Variants in CCDC91 observed in about 807,000 individuals in gnomAD.
The protein encoded by CCDC91 is coiled-coil domain-containing protein 91.
In CCDC91, 48 loss-of-function variants were observed where a neutral mutation model predicts 63.2. The ratio of observed to expected loss-of-function variants is 0.76; its 90% CI spans 0.60 to 0.97. The LOEUF is 0.97. Among genes scored for constraint, CCDC91 ranks in the 50% least tolerant of loss-of-function variants. The probability of loss-of-function intolerance (pLI) is 0.00; values close to 1 mark genes in which losing one functional copy is unlikely to be tolerated. For synonymous variants in CCDC91, 167 were observed against 165.8 expected (o/e 1.01, Z -0.06); for missense variants, 500 against 494.6 (o/e 1.01, Z -0.10).
intron 3 of CCDC91, among the ~76,000 whole-genome samples, chr12:28,271,018 AT>A (rs140145188): frequency 0.01 from 1,591 of 152,246 alleles, 36 homozygotes; most frequent in African/African-American, 0.037. Context: ...TATGACTAGG[AT>A]ACACTTTTAA....
At chr12:28,290,007 G>A (rs1195868854) in intron 3 of CCDC91, among the ~76,000 whole-genome samples, 1 of 152,070 alleles carries the variant, frequency 6.6e-6, no homozygotes, top group African/African-American at 2.4e-5. Flanking sequence ...GGAGAGTTCT[G>A]TAGTTGTCTT....
At chr12:28,363,592 A>G (rs1166931105) in intron 7 of CCDC91, among the ~76,000 whole-genome samples, 1 of 152,208 alleles carries the variant, frequency 6.6e-6, no homozygotes, top group Non-Finnish European at 1.5e-5. Context: ...AAGCTTCCGT[A>G]AATCATTTGG....
At chr12:28,323,802 T>C (rs2137489767) in intron 6 of CCDC91, among the ~76,000 whole-genome samples, 1 of 151,870 alleles carries the variant, frequency 6.6e-6, no homozygotes, top group East Asian at 1.9e-4. Context: ...ATAGACGGAG[T>C]GGCATATGCA....
chr12:28,533,443 A>G (rs1262973759), intron 12 of CCDC91, among the ~76,000 whole-genome samples: 1 of 152,030 alleles, frequency 6.6e-6, no homozygotes, highest in Non-Finnish European at 1.5e-5. Context: ...CTATCTTTGA[A>G]TCTTTGCTTC....
intron 3 of CCDC91, among the ~76,000 whole-genome samples, chr12:28,260,518 C>T (rs1000314863): frequency 4.0e-5 from 6 of 151,872 alleles, no homozygotes; most frequent in African/African-American, 1.5e-4. Context: ...CTGTTCATTC[C>T]TACCCCCTTA....
intron 1 of CCDC91, among the ~76,000 whole-genome samples, chr12:28,190,994 AG>A (rs1941179940): frequency 6.6e-6 from 1 of 152,260 alleles, no homozygotes; most frequent in Admixed American, 6.5e-5. Flanking sequence ...ATTCTTGCTT[AG>A]ATTACACAGA....
intron 1 of CCDC91, among the ~76,000 whole-genome samples, chr12:28,194,377 C>G (rs1265425357): frequency 2.6e-5 from 4 of 152,154 alleles, no homozygotes; most frequent in Non-Finnish European, 2.9e-5. Context: ...TTGCTGACCT[C>G]AAGAATGAAG....
chr12:28,430,662 T>C (rs1238126385), intron 8 of CCDC91, among the ~76,000 whole-genome samples: 1 of 152,130 alleles, frequency 6.6e-6, no homozygotes, highest in African/African-American at 2.4e-5. Flanking sequence ...TCCATAAACA[T>C]GTATTAGCCT....
At chr12:28,421,759 A>G (rs1948028031) in intron 8 of CCDC91, among the ~76,000 whole-genome samples, 1 of 151,916 alleles carries the variant, frequency 6.6e-6, no homozygotes, top group Admixed American at 6.6e-5. Flanking sequence ...TCCCTTAAGG[A>G]TTTTGTACTT....
At chr12:28,447,758 GAGGGAAGGGAAGGGCAGGGCAGGGC>G (rs1949580618) in intron 8 of CCDC91, among the ~76,000 whole-genome samples, 1 of 61,334 alleles carries the variant, frequency 1.6e-5, no homozygotes, top group Non-Finnish European at 3.0e-5. Context: ...GAGGGGAGGG[GAGGGAAGGGAAGGGCAGGGCAGGGC>G]AGGGGAGGGG....
At chr12:28,448,873 G>T (rs1370536384) in intron 8 of CCDC91, among the ~76,000 whole-genome samples, 1 of 151,914 alleles carries the variant, frequency 6.6e-6, no homozygotes, top group African/African-American at 2.4e-5. Flanking sequence ...AATAGGGTTA[G>T]GTATTGTTTC....
At chr12:28,371,855 C>T (rs1320508219) in intron 7 of CCDC91, among the ~76,000 whole-genome samples, 6 of 152,162 alleles carry the variant, frequency 3.9e-5, no homozygotes, top group African/African-American at 1.2e-4. Flanking sequence ...GGCATCACTA[C>T]CTTTACTGGC....
intron 1 of CCDC91, among the ~76,000 whole-genome samples, chr12:28,246,313 T>G (rs935627762): frequency 3.9e-5 from 6 of 152,184 alleles, no homozygotes; most frequent in African/African-American, 1.4e-4. Context: ...GTATTACAAC[T>G]TACTGTCAGG....
At chr12:28,367,772 T>C (rs1944367182) in intron 7 of CCDC91, among the ~76,000 whole-genome samples, 1 of 152,192 alleles carries the variant, frequency 6.6e-6, no homozygotes, top group Non-Finnish European at 1.5e-5. Flanking sequence ...TTGAATGTTT[T>C]TGTGAGGATT....
At chr12:28,212,983 T>G (rs1255404500) in intron 1 of CCDC91, among the ~76,000 whole-genome samples, 1 of 152,154 alleles carries the variant, frequency 6.6e-6, no homozygotes, top group Admixed American at 6.5e-5. Flanking sequence ...TAAGTTATAG[T>G]GAGTTTATTG....
intron 6 of CCDC91, among the ~76,000 whole-genome samples, chr12:28,318,756 A>C (rs920244401): frequency 6.6e-6 from 1 of 152,016 alleles, no homozygotes; most frequent in African/African-American, 2.4e-5. Flanking sequence ...TCAAATTGTC[A>C]TTTTATTTAT....
At chr12:28,483,750 A>G (rs1460156478) in intron 11 of CCDC91, among the ~76,000 whole-genome samples, 1 of 152,146 alleles carries the variant, frequency 6.6e-6, no homozygotes, top group Non-Finnish European at 1.5e-5. Context: ...AAATACAGGA[A>G]GGCAATGAAT....
chr12:28,208,525 G>A (rs964383998), intron 1 of CCDC91, among the ~76,000 whole-genome samples: 1 of 152,114 alleles, frequency 6.6e-6, no homozygotes, highest in Admixed American at 6.5e-5. Context: ...GCCCTCTGGA[G>A]CATTCCAAAG....
intron 3 of CCDC91, among the ~76,000 whole-genome samples, chr12:28,264,544 T>C (rs1947048915): frequency 6.7e-6 from 1 of 150,208 alleles, no homozygotes; most frequent in Admixed American, 6.7e-5. Context: ...TATGTATATA[T>C]ATGTGTATAA....
Sources: allele counts gnomAD v4.1 joint callset (sites outside exome capture counted in the v4.1 genomes callset), GRCh38; gene constraint gnomAD v4.1.1; transcripts MANE v1.5; gene names NCBI Gene and HGNC (gene_info 2026-07-23, HGNC 2026-07-21).